The following TBCD variants were observed in gnomAD, a reference collection of about 807,000 sequenced individuals.
TBCD encodes the protein tubulin folding cofactor D.
In TBCD, 105 loss-of-function variants were observed where a neutral mutation model predicts 169.3. The observed-to-expected ratio is 0.62, with a 90% CI of 0.53 to 0.73. The LOEUF (loss-of-function observed/expected upper bound fraction) is 0.73, where lower values mean the gene tolerates loss of function less well. Among genes scored for constraint, TBCD ranks in the 30% least tolerant of loss-of-function variants. TBCD has a pLI of 0.00. For synonymous variants in TBCD, 700 were observed against 643.9 expected (o/e 1.09, Z -1.32); for missense variants, 1,444 against 1,600.1 (o/e 0.90, Z 1.66).
intron 13 of TBCD, among the ~76,000 whole-genome samples, chr17:82,867,812 T>C (rs1007435101): frequency 1.3e-5 from 2 of 152,218 alleles, no homozygotes; most frequent in Admixed American, 1.3e-4. Context: ...CTCTTGCAAA[T>C]CATCCAGCAG....
Position 82,806,208 on chromosome 17 carries a change from C to G in TBCD, c.1087+197C>G, listed in dbSNP as rs2050950591. 6.6e-6 allele frequency among the ~76,000 whole-genome samples: 1 copy of G among 152,130 alleles called. No homozygotes were observed. The highest frequency in any genetic ancestry group is 2.1e-4 in the South Asian group (1 of 4,826). ...GTCCCTGACCATGGACAGTCTCTTCCTGTGTGCCGTAGAAGCCCTTTTTCC... is the reference window on the plus strand; with the variant it reads ...GTCCCTGACCATGGACAGTCTCTTCGTGTGTGCCGTAGAAGCCCTTTTTCC... On this transcript the variant is annotated intron_variant, in intron 10 of 38. Transcript: ENST00000355528. The surrounding 1 kb of genome is among the most constrained non-coding windows in gnomAD (Gnocchi z 5.1).
chr17:82,901,119 G>A (rs1191382543), intron 18 of TBCD, among the ~76,000 whole-genome samples: 1 of 152,250 alleles, frequency 6.6e-6, no homozygotes, highest in Non-Finnish European at 1.5e-5. Context: ...CTGTCTCCTG[G>A]GAGCCCAGCA....
intron 7 of TBCD, among the ~76,000 whole-genome samples, chr17:82,796,435 A>G (rs2050111872): frequency 6.6e-6 from 1 of 152,208 alleles, no homozygotes; most frequent in Non-Finnish European, 1.5e-5. Context: ...ATCTCCATTC[A>G]CTTGGTAGGG....
chr17:82,759,856 A>T (rs1384593404), intron 2 of TBCD, among the ~76,000 whole-genome samples: 1 of 144,912 alleles, frequency 6.9e-6, no homozygotes. Context: ...ACCTATCTGT[A>T]TGCTCTTTTT....
intron 7 of TBCD, among the ~76,000 whole-genome samples, chr17:82,790,039 C>G (rs1019570067): frequency 6.6e-6 from 1 of 152,138 alleles, no homozygotes; most frequent in Non-Finnish European, 1.5e-5. Flanking sequence ...CATTGCTCAT[C>G]TGTTCTCATG....
intron 14 of TBCD, among the ~76,000 whole-genome samples, chr17:82,876,342 G>A (rs1214631902): frequency 2.0e-5 from 3 of 152,198 alleles, no homozygotes; most frequent in South Asian, 2.1e-4. Context: ...ACGTTTCAGC[G>A]CAGACAGGCC....
At chr17:82,761,108 A>T (rs763151825) in intron 2 of TBCD, among the ~76,000 whole-genome samples, 2 of 151,882 alleles carry the variant, frequency 1.3e-5, no homozygotes, top group Non-Finnish European at 2.9e-5. Context: ...TACAGGCGCC[A>T]CCTGTAAAAT....
At chr17:82,822,021 T>C (rs1464289733) in intron 13 of TBCD, among the ~76,000 whole-genome samples, 1 of 152,200 alleles carries the variant, frequency 6.6e-6, no homozygotes, top group African/African-American at 2.4e-5. Context: ...ACAAGCAGCG[T>C]CTTACGACGA....
chr17:82,883,434 T>C (rs1205571250), intron 14 of TBCD, among the ~76,000 whole-genome samples: 1 of 152,218 alleles, frequency 6.6e-6, no homozygotes, highest in Non-Finnish European at 1.5e-5. Flanking sequence ...GTAACTGAGC[T>C]GGGTGATCTC....
intron 13 of TBCD, among the ~76,000 whole-genome samples, chr17:82,867,273 A>T (rs935707047): frequency 6.6e-6 from 1 of 152,210 alleles, no homozygotes; most frequent in Non-Finnish European, 1.5e-5. Flanking sequence ...GCCTGAGGCC[A>T]TTGTCCATGC....
intron 13 of TBCD, among the ~76,000 whole-genome samples, chr17:82,855,945 T>C (rs1328830194): frequency 6.6e-6 from 1 of 151,962 alleles, no homozygotes; most frequent in Non-Finnish European, 1.5e-5. Flanking sequence ...CCTTCATTTG[T>C]TTTTATGGCT....
At chr17:82,893,818 A>G (rs1040230475) in intron 17 of TBCD, among the ~76,000 whole-genome samples, 186 bp downstream of exon 17, 10 of 152,248 alleles carry the variant, frequency 6.6e-5, no homozygotes, top group African/African-American at 2.4e-4. Flanking sequence ...TTGATTGGAC[A>G]CACCTCATGC....
chr17:82,921,490 T>C lies in TBCD; in HGVS notation c.2102-11T>C. ...TGATTGCCTGGGTACGCTAACTTGA[T>C]TTTTTGACAGATGGTTGGCAATGGC... On this transcript the variant is annotated splice_polypyrimidine_tract_variant and intron_variant, in intron 24 of 38. Transcript: ENST00000355528. 6.2e-7 allele frequency: 1 copy of C among 1,613,766 alleles called. No individual in the cohort carries two copies. The highest frequency in any genetic ancestry group is 1.1e-5 in the South Asian group (1 of 91,086).
intron 7 of TBCD, among the ~76,000 whole-genome samples, chr17:82,784,444 G>A (rs183835093): frequency 6.6e-6 from 1 of 152,180 alleles, no homozygotes; most frequent in African/African-American, 2.4e-5. Flanking sequence ...GCTGAGGCTG[G>A]CCTTGAAGGG....
chr17:82,941,680 G>T, intron 38 of TBCD, 197 bp downstream of exon 38: 1 of 580,394 alleles, frequency 1.7e-6, no homozygotes, highest in South Asian at 2.1e-5. Flanking sequence ...GGCCCCTGTG[G>T]CATCCAGGCC....
chr17:82,767,402 G>A (rs997708725), intron 4 of TBCD, among the ~76,000 whole-genome samples: 1 of 151,894 alleles, frequency 6.6e-6, no homozygotes, highest in African/African-American at 2.4e-5. Flanking sequence ...TGAAAATAAG[G>A]GTACTCCTTT....
intron 13 of TBCD, among the ~76,000 whole-genome samples, chr17:82,818,655 T>C (rs1041250291): frequency 3.9e-5 from 6 of 152,202 alleles, no homozygotes; most frequent in African/African-American, 7.2e-5. Flanking sequence ...AGGAAGTCTT[T>C]CTGGTGTCAC....
intron 38 of TBCD, chr17:82,942,187 A>C (rs1196137458): frequency 1.8e-6 from 1 of 553,004 alleles, no homozygotes; most frequent in Non-Finnish European, 3.2e-6. Context: ...GAAAAATTTC[A>C]AACGTGTGAA....
chr17:82,938,041 C>A lies in TBCD; in HGVS notation c.3282-8C>A. The A allele has an allele frequency of 6.2e-7, 1 of 1,612,956 alleles. No individual in the cohort carries two copies. The highest frequency in any genetic ancestry group is 8.5e-7 in the Non-Finnish European group (1 of 1,179,760). ...GGCTCACCTGGAGCCATGTGCTGCT[C>A]CCGGCAGGTTCTGCGAGATGGTGCA... is the stretch of plus-strand genomic sequence containing the variant. On this transcript the variant is annotated splice_polypyrimidine_tract_variant and splice_region_variant and intron_variant, in intron 35 of 38. Coordinates refer to ENST00000355528, the MANE Select transcript of TBCD (RefSeq NM_005993.5).
Sources: gnomAD v4.1 joint callset for allele counts (sites outside exome capture counted in the v4.1 genomes callset) on GRCh38, gnomAD v4.1.1 for gene constraint, Gnocchi (gnomAD v3.1) non-coding constraint, MANE v1.5 for transcripts, NCBI Gene and HGNC (gene_info 2026-07-23, HGNC 2026-07-21) for gene names.